UTP6: variants seen among roughly 807,000 people sequenced by gnomAD.
The protein encoded by UTP6 is U3 small nucleolar RNA-associated protein 6 homolog.
UTP6 carries 60 observed loss-of-function variants against 96.5 expected under a neutral mutation model. The ratio of observed to expected loss-of-function variants is 0.62; its 90% CI spans 0.51 to 0.77. The LOEUF (loss-of-function observed/expected upper bound fraction) is 0.77. Ranked by LOEUF, UTP6 falls within the 30% of genes least tolerant of loss-of-function variation. The pLI, the probability that UTP6 is intolerant of heterozygous loss-of-function variation, is 0.00. For synonymous variants in UTP6, 215 were observed against 240.1 expected (o/e 0.90, Z 0.96); for missense variants, 637 against 706.5 (o/e 0.90, Z 1.12).
chr17:31,884,699 C>A (rs1911050448), intron 9 of UTP6, among the ~76,000 whole-genome samples, 194 bp from the exon 10 acceptor site: 1 of 149,556 alleles, frequency 6.7e-6, no homozygotes, highest in Admixed American at 6.8e-5. Context: ...TATTGTTAAT[C>A]TTTGGAGTAT....
chr17:31,898,233 A>C (rs991455690), intron 2 of UTP6, among the ~76,000 whole-genome samples: 10 of 152,062 alleles, frequency 6.6e-5, no homozygotes, highest in African/African-American at 2.4e-4. Flanking sequence ...AATTCTTTTA[A>C]TTTTTTTAAA....
At chr17:31,889,691 G>A (rs1316105598) in intron 6 of UTP6, among the ~76,000 whole-genome samples, 2 of 151,608 alleles carry the variant, frequency 1.3e-5, no homozygotes, top group Non-Finnish European at 1.5e-5. Context: ...GTAGAGACGG[G>A]GTTTCACCAT....
intron 10 of UTP6, among the ~76,000 whole-genome samples, chr17:31,883,316 ATT>A (rs764591553): frequency 5.6e-5 from 8 of 142,200 alleles, no homozygotes; most frequent in Admixed American, 7.1e-5. Flanking sequence ...TAAGCTTTAG[ATT>A]TTTTTTTTTT....
Position 31,863,171 on chromosome 17 carries a change from T to C in UTP6, c.*188A>G. The C allele has an allele frequency of 8.2e-6, 5 of 609,348 alleles. No homozygotes were observed. Among genetic ancestry groups the C allele is most frequent in the Non-Finnish European group, 1.4e-5 (5 of 358,958 alleles). The allele number at this position is 609,348 out of a possible 1,614,324, so 37.7% of individuals were successfully genotyped here. A position where few individuals can be genotyped will look rare whatever the true frequency, so the allele number is the denominator to read the frequency against. ...GCCAGGGCAACAGAGCAAGACCCAG[T>C]CTCAATCATAAAAATTTTTTAATTT... is the stretch of plus-strand genomic sequence containing the variant. On this transcript the variant is annotated 3_prime_UTR_variant, in exon 19 of 19. Transcript: ENST00000261708.
In UTP6 at chr17:31,881,251, T is replaced by C. The variant is rs8077817; in HGVS notation, c.786-497A>G. ...TAGAAATTTTGTCAATGGATCAGAATTGTCCCACTTTTTCACTTTTTTTTT... is the reference window on the plus strand; with the variant it reads ...TAGAAATTTTGTCAATGGATCAGAACTGTCCCACTTTTTCACTTTTTTTTT... On this transcript the variant is annotated intron_variant, in intron 10 of 18. Coordinates refer to ENST00000261708, the MANE Select transcript of UTP6 (RefSeq NM_018428.3). 5.1e-3 allele frequency among the ~76,000 whole-genome samples: 776 copies of C among 151,228 alleles called. 4 individuals carry two copies. The highest frequency in any genetic ancestry group is 0.018 in the African/African-American group (743 of 41,124).
intron 10 of UTP6, among the ~76,000 whole-genome samples, chr17:31,881,552 GTGAGCCACTGCACC>G (rs1053523793): frequency 6.6e-6 from 1 of 152,134 alleles, no homozygotes; most frequent in African/African-American, 2.4e-5. Context: ...GGATTACAGT[GTGAGCCACTGCACC>G]TGGCCAGAGC....
At chr17:31,886,117 T>A in intron 8 of UTP6, 56 bp from the exon 9 acceptor site, 1 of 1,495,266 alleles carries the variant, frequency 6.7e-7, no homozygotes, top group Non-Finnish European at 9.2e-7. Context: ...GGAAAAGCAC[T>A]AGGACGAAAA....
rs1045993791 is a variant in UTP6 at position 31,862,304 on chromosome 17, A to C, written c.*1055T>G. On this transcript the variant is annotated 3_prime_UTR_variant, in exon 19 of 19. Transcript: ENST00000261708. ...AGCAAGGCTCCATCTCAAAAAAAAAAAGACAGTCTAACCAGAGGATTAGTA... is the reference window on the plus strand; with the variant it reads ...AGCAAGGCTCCATCTCAAAAAAAAACAGACAGTCTAACCAGAGGATTAGTA... 3.9e-5 allele frequency: 6 copies of C among 152,098 alleles called. No individual in the cohort carries two copies. The highest frequency in any genetic ancestry group is 1.5e-4 in the African/African-American group (6 of 41,374). 9.4% of individuals were successfully genotyped at this position (152,098 alleles called of 1,614,324 possible).
intron 10 of UTP6, among the ~76,000 whole-genome samples, chr17:31,882,696 C>T (rs188684239): frequency 6.6e-6 from 1 of 152,322 alleles, no homozygotes; most frequent in East Asian, 1.9e-4. Context: ...GATATCCAAA[C>T]AACAGATTGA....
chr17:31,875,390 G>A lies in UTP6; in HGVS notation c.1149C>T (p.Asn383=). 6.2e-7 allele frequency: 1 copy of A among 1,614,118 alleles called. No individual in the cohort carries two copies. The highest frequency in any genetic ancestry group is 1.1e-5 in the South Asian group (1 of 91,076). Residue 383 remains asparagine (N), a synonymous_variant, in exon 14 of 19, where the codon AAC becomes AAT. Transcript: ENST00000261708. ...KQLSVSLLCY[N]FLREALEVAV... ...CCACTTCCAGAGCTTCCCTCAGGAA[G>A]TTATAACACAGCAACGAAACACTCT...
At chr17:31,892,904 G>A in intron 4 of UTP6, 110 bp from the exon 5 acceptor site, 2 of 1,276,550 alleles carry the variant, frequency 1.6e-6, no homozygotes, top group Non-Finnish European at 2.2e-6. Flanking sequence ...TGGATGCGGT[G>A]GCTCACACCT....
At chr17:31,879,593 A>G (rs1178407052) in intron 11 of UTP6, among the ~76,000 whole-genome samples, 2 of 151,810 alleles carry the variant, frequency 1.3e-5, no homozygotes, top group Non-Finnish European at 2.9e-5. Flanking sequence ...GATTGCTTCA[A>G]CCCAGGAGGC....
In UTP6 at chr17:31,861,051, A is replaced by T. The variant is rs1225240745; in HGVS notation, c.*2308T>A. On this transcript the variant is annotated 3_prime_UTR_variant, in exon 19 of 19. Transcript: ENST00000261708. ...GAAGAGCTTCCAAAGCATTTTAAAA[A>T]CAGACATCACACATACACACACAAA... 1 of 152,080 alleles carries T rather than the reference A, an allele frequency of 6.6e-6. No homozygotes were observed. The highest frequency in any genetic ancestry group is 1.5e-5 in the Non-Finnish European group (1 of 68,008). 9.4% of individuals were successfully genotyped at this position (152,080 alleles called of 1,614,324 possible).
At chr17:31,886,971 C>G (rs1292190387) in intron 8 of UTP6, among the ~76,000 whole-genome samples, 1 of 151,884 alleles carries the variant, frequency 6.6e-6, no homozygotes, top group Non-Finnish European at 1.5e-5. Context: ...ATTTTCCTAA[C>G]TAAGTCCATT....
At chr17:31,864,747 T>G (rs1229041492) in intron 18 of UTP6, among the ~76,000 whole-genome samples, 1 of 151,652 alleles carries the variant, frequency 6.6e-6, no homozygotes, top group East Asian at 1.9e-4. Flanking sequence ...CTCAGCCTGC[T>G]GTGTAGCTGG....
chr17:31,880,530 A>G lies in UTP6; in HGVS notation c.967+43T>C, dbSNP rs774075881. ...AGGAGCTTAAGTTTCACAATCAGGG[A>G]TACTATTCCTTCTATATCACACCAT... On this transcript the variant is annotated intron_variant, in intron 11 of 18. Coordinates refer to ENST00000261708, the MANE Select transcript of UTP6 (RefSeq NM_018428.3). 1.4e-5 allele frequency: 23 copies of G among 1,609,948 alleles called. No homozygotes were observed. The South Asian group carries it at 2.1e-4, about 15-fold the overall frequency.
rs183329683 is a variant in UTP6 at position 31,890,974 on chromosome 17, C to G, written c.424+1286G>C. Among the ~76,000 whole-genome samples the G allele has an allele frequency of 8.5e-5, 13 of 152,144 alleles. No individual in the cohort carries two copies. The East Asian group carries it at 2.5e-3, about 29-fold the overall frequency. Reference sequence around the variant, plus strand: ...TGCACTCCAGCCTGGGCAACAGAGGCAAGACTCTGTCTCAAAAAAATAAAA... The same window carrying G: ...TGCACTCCAGCCTGGGCAACAGAGGGAAGACTCTGTCTCAAAAAAATAAAA... On this transcript the variant is annotated intron_variant, in intron 6 of 18. Transcript: ENST00000261708.
In UTP6 at chr17:31,863,348, A is replaced by G; in HGVS notation, c.*11T>C. Reference sequence around the variant, plus strand: ...AATACTATTTCACAAAGCTGACTGTATTCTTCATCTTCATAAATGGCCAGT... The same window carrying G: ...AATACTATTTCACAAAGCTGACTGTGTTCTTCATCTTCATAAATGGCCAGT... On this transcript the variant is annotated 3_prime_UTR_variant, in exon 19 of 19. Transcript: ENST00000261708. 33 of 1,562,436 alleles carry G rather than the reference A, an allele frequency of 2.1e-5. No individual in the cohort carries two copies. Among genetic ancestry groups the G allele is most frequent in the African/African-American group, 2.7e-5 (2 of 73,962 alleles).
At position 31,898,100 on chromosome 17, in the gene UTP6, C is replaced by T. The variant is rs142880345; in HGVS notation, c.177+1546G>A. On this transcript the variant is annotated intron_variant, in intron 2 of 18. Transcript: ENST00000261708. ...CAGTAGAAAAAAAAAAGAAAGAAAACGACAAGAGAGAAAGAGGAGGGGAAA... is the reference window on the plus strand; with the variant it reads ...CAGTAGAAAAAAAAAAGAAAGAAAATGACAAGAGAGAAAGAGGAGGGGAAA... 8.3e-4 allele frequency among the ~76,000 whole-genome samples: 126 copies of T among 151,896 alleles called. 2 individuals are homozygous for T. The highest frequency in any genetic ancestry group is 2.6e-3 in the African/African-American group (107 of 41,440).
Sources: allele counts gnomAD v4.1 joint callset (sites outside exome capture counted in the v4.1 genomes callset), GRCh38; gene constraint gnomAD v4.1.1; transcripts MANE v1.5; gene names NCBI Gene and HGNC (gene_info 2026-07-23, HGNC 2026-07-21).